The following TBCD variants were observed in gnomAD, a reference collection of about 807,000 sequenced individuals.
The protein encoded by TBCD is tubulin folding cofactor D.
TBCD carries 105 observed loss-of-function variants against 169.3 expected under a neutral mutation model. That is an observed-to-expected ratio of 0.62 (90% CI 0.53 to 0.73). The LOEUF is 0.73. Among genes scored for constraint, TBCD ranks in the 30% least tolerant of loss-of-function variants. The pLI is 0.00. For synonymous variants in TBCD, 700 were observed against 643.9 expected (o/e 1.09, Z -1.32); for missense variants, 1,444 against 1,600.1 (o/e 0.90, Z 1.66).
intron 23 of TBCD, among the ~76,000 whole-genome samples, chr17:82,916,245 C>CT (rs536424725): frequency 1.1e-3 from 158 of 147,926 alleles, no homozygotes; most frequent in African/African-American, 9.3e-4. Context: ...GCTTTTTCCA[C>CT]TTTTTTTTTT....
intron 13 of TBCD, 75 bp from the exon 14 acceptor site, chr17:82,870,149 G>C: frequency 6.3e-7 from 1 of 1,595,412 alleles, no homozygotes; most frequent in Non-Finnish European, 8.5e-7. Flanking sequence ...CCGGCCCTGA[G>C]CCCCACTTCT....
intron 12 of TBCD, among the ~76,000 whole-genome samples, chr17:82,813,273 C>G (rs1480544174): frequency 6.7e-6 from 1 of 149,692 alleles, no homozygotes; most frequent in Non-Finnish European, 1.5e-5. Flanking sequence ...CCCGCCTCCT[C>G]TCTCTCTCTC....
intron 6 of TBCD, among the ~76,000 whole-genome samples, chr17:82,777,367 CA>C (rs1249755168): frequency 6.6e-6 from 1 of 152,144 alleles, no homozygotes; most frequent in African/African-American, 2.4e-5. Flanking sequence ...GAAATAAAGA[CA>C]CAAGACAAAG....
chr17:82,921,883 G>A (rs908428823), intron 25 of TBCD, among the ~76,000 whole-genome samples: 3 of 152,126 alleles, frequency 2.0e-5, no homozygotes, highest in Non-Finnish European at 4.4e-5. Flanking sequence ...GTTGAGTTCC[G>A]TGTCCTGTAG....
intron 13 of TBCD, among the ~76,000 whole-genome samples, chr17:82,857,900 CATTAT>C (rs1364354434): frequency 6.7e-6 from 1 of 149,216 alleles, no homozygotes; most frequent in Non-Finnish European, 1.5e-5. Flanking sequence ...CGTCATCTAG[CATTAT>C]TTTAATTTGT....
chr17:82,913,601 G>A (rs1599496283), intron 23 of TBCD: 1 of 152,394 alleles, frequency 6.6e-6, no homozygotes, highest in Non-Finnish European at 1.5e-5. Flanking sequence ...CGGCGATGGA[G>A]TTGAATGCGT....
intron 13 of TBCD, among the ~76,000 whole-genome samples, chr17:82,867,571 C>T (rs1206944931): frequency 4.6e-5 from 7 of 152,194 alleles, no homozygotes; most frequent in South Asian, 2.1e-4. Context: ...GTGAGCAGTG[C>T]GAGAAGGCTC....
At chr17:82,839,010 G>GA (rs1436765303) in intron 13 of TBCD, 5 of 978,128 alleles carry the variant, frequency 5.1e-6, no homozygotes, top group Non-Finnish European at 6.1e-6. Context: ...TTCATATAAG[G>GA]AAAAAAACCC....
intron 13 of TBCD, among the ~76,000 whole-genome samples, chr17:82,855,993 CTTTTT>C (rs60978063): frequency 3.3e-4 from 22 of 66,264 alleles, no homozygotes; most frequent in Admixed American, 6.8e-4. Context: ...TCCCCCCCCA[CTTTTT>C]TTTTTTTTTT....
intron 13 of TBCD, among the ~76,000 whole-genome samples, chr17:82,819,881 A>G (rs569310856): frequency 1.3e-5 from 2 of 151,956 alleles, no homozygotes; most frequent in Middle Eastern, 3.2e-3. Context: ...ACTCCTCACC[A>G]TGAGTAAGCT....
intron 5 of TBCD, among the ~76,000 whole-genome samples, chr17:82,769,125 G>C (rs1003247111): frequency 3.9e-5 from 6 of 152,120 alleles, no homozygotes; most frequent in African/African-American, 1.4e-4. Context: ...TCTGTGGGTC[G>C]GGAGTCTGGC....
chr17:82,856,931 G>A (rs998410038), intron 13 of TBCD, among the ~76,000 whole-genome samples: 2 of 145,046 alleles, frequency 1.4e-5, no homozygotes, highest in African/African-American at 2.7e-5. Context: ...CCCTCGGTGC[G>A]CATCCAGGGC....
At chr17:82,783,904 T>A (rs2049120783) in intron 7 of TBCD, among the ~76,000 whole-genome samples, 2 of 152,138 alleles carry the variant, frequency 1.3e-5, no homozygotes, top group Non-Finnish European at 2.9e-5. Flanking sequence ...GCAGGCAGAT[T>A]ACTTGAGGTC....
chr17:82,804,032 G>A (rs1159827247), intron 9 of TBCD, among the ~76,000 whole-genome samples: 3 of 123,388 alleles, frequency 2.4e-5, no homozygotes, highest in African/African-American at 9.4e-5. Context: ...CCTGTGGGGC[G>A]TTAGCGGGGA....
intron 2 of TBCD, among the ~76,000 whole-genome samples, chr17:82,757,301 A>G (rs2047453045): frequency 6.6e-6 from 1 of 151,656 alleles, no homozygotes; most frequent in Non-Finnish European, 1.5e-5. Flanking sequence ...TGTGCTGTGC[A>G]TCTTGTTCTG....
intron 13 of TBCD, among the ~76,000 whole-genome samples, chr17:82,828,941 C>T (rs563741412): frequency 6.1e-5 from 9 of 146,904 alleles, no homozygotes; most frequent in Admixed American, 4.8e-4. Flanking sequence ...AGTGTGCATG[C>T]CCCCCACGGA....
At chr17:82,847,301 C>G (rs1307602106) in intron 13 of TBCD, among the ~76,000 whole-genome samples, 2 of 147,294 alleles carry the variant, frequency 1.4e-5, no homozygotes, top group African/African-American at 2.5e-5. Flanking sequence ...TGCAGTGAGC[C>G]GAGATCATGC....
Position 82,942,442 on chromosome 17 carries a change from T to C in TBCD, c.3565-7T>C, listed in dbSNP as rs908784771. 5 of 1,613,928 alleles carry C rather than the reference T, an allele frequency of 3.1e-6. No homozygotes were observed. The highest frequency in any genetic ancestry group is 1.6e-4 in the Middle Eastern group (1 of 6,062). On this transcript the variant is annotated splice_region_variant and splice_polypyrimidine_tract_variant and intron_variant, in intron 38 of 38. Coordinates refer to ENST00000355528, the MANE Select transcript of TBCD (RefSeq NM_005993.5). The stretch of plus-strand genomic sequence containing the variant: ...ACCAGCCTGAGCTTGTCTTGTCTCT[T>C]CTTCAGCCTGGTGCCTGCTGAAGCC...
At chr17:82,828,132 G>T (rs6502134) in intron 13 of TBCD, among the ~76,000 whole-genome samples, 1 of 143,588 alleles carries the variant, frequency 7.0e-6, no homozygotes, top group Non-Finnish European at 1.5e-5. Flanking sequence ...CACCCACACA[G>T]TTGAATGTGC....
Sources: allele counts gnomAD v4.1 joint callset (sites outside exome capture counted in the v4.1 genomes callset), GRCh38; gene constraint gnomAD v4.1.1; transcripts MANE v1.5; gene names NCBI Gene and HGNC (gene_info 2026-07-23, HGNC 2026-07-21).